SESTD1: variants seen among roughly 807,000 people sequenced by gnomAD.
SESTD1 encodes the protein SEC14 and spectrin domain containing 1.
Under a neutral mutation model 101.7 loss-of-function variants are expected in SESTD1, and 43 were observed. That is an observed-to-expected ratio of 0.42 (90% confidence interval 0.33 to 0.55). The LOEUF is 0.55. Ranked by LOEUF, SESTD1 falls within the 20% of genes least tolerant of loss-of-function variation. The probability of loss-of-function intolerance (pLI) is 0.07; values close to 1 mark genes in which losing one functional copy is unlikely to be tolerated. For synonymous variants in SESTD1, 283 were observed against 286.8 expected (o/e 0.99, Z 0.13); for missense variants, 647 against 815.1 (o/e 0.79, Z 2.51).
intron 10 of SESTD1, among the ~76,000 whole-genome samples, chr2:179,128,521 G>GAGAT: frequency 6.6e-6 from 1 of 152,228 alleles, no homozygotes; most frequent in South Asian, 2.1e-4. Context: ...ACGAGGTCAG[G>GAGAT]AGATGGAGAC....
At chr2:179,256,811 C>CA (rs368195849) in intron 1 of SESTD1, among the ~76,000 whole-genome samples, 12,179 of 76,232 alleles carry the variant, frequency 0.16, 870 homozygotes, top group South Asian at 0.27. Flanking sequence ...GACTCCACCT[C>CA]AAAAAAAAAA....
chr2:179,137,937 G>C (rs2045189494), intron 9 of SESTD1, among the ~76,000 whole-genome samples: 1 of 152,076 alleles, frequency 6.6e-6, no homozygotes, highest in Non-Finnish European at 1.5e-5. Context: ...TGCTCTGTGT[G>C]ACCAACATAT....
chr2:179,194,698 G>A (rs2046364948), intron 1 of SESTD1, among the ~76,000 whole-genome samples: 1 of 152,146 alleles, frequency 6.6e-6, no homozygotes, highest in African/African-American at 2.4e-5. Context: ...ATGATCACTT[G>A]CCTGATTCAG....
intron 1 of SESTD1, among the ~76,000 whole-genome samples, chr2:179,241,160 T>C (rs1270380606): frequency 6.6e-6 from 1 of 152,134 alleles, no homozygotes; most frequent in Non-Finnish European, 1.5e-5. Context: ...AGAAGTTGCA[T>C]GATAATATCA....
Position 179,186,823 on chromosome 2 carries a change from G to GAGAGCTTTCTCCAAATGTGT in SESTD1, c.56-3655_56-3636dup, listed in dbSNP as rs555464865. Among the ~76,000 whole-genome samples, 195 of 151,798 alleles carry GAGAGCTTTCTCCAAATGTGT rather than the reference G, an allele frequency of 1.3e-3. 3 individuals carry two copies. Among genetic ancestry groups the GAGAGCTTTCTCCAAATGTGT allele is most frequent in the Admixed American group, 0.012 (186 of 15,204 alleles). On this transcript the variant is annotated intron_variant, in intron 2 of 17. Transcript: ENST00000428443. ...GGATTATTTTTACAGTTCATTCCTA[G>GAGAGCTTTCTCCAAATGTGT]AGAGCTTTCTCCAAATGTGTAGAGC...
intron 1 of SESTD1, among the ~76,000 whole-genome samples, chr2:179,231,628 A>C (rs934370667): frequency 6.6e-6 from 1 of 151,802 alleles, no homozygotes; most frequent in Admixed American, 6.6e-5. Context: ...ATCAAACATA[A>C]GTCATTAAAA....
At chr2:179,112,887 C>G in intron 16 of SESTD1, 42 bp from the exon 17 acceptor site, 1 of 1,567,950 alleles carries the variant, frequency 6.4e-7, no homozygotes, top group East Asian at 2.3e-5. Flanking sequence ...GAGACACAGA[C>G]AGGTCTGCAG....
intron 1 of SESTD1, among the ~76,000 whole-genome samples, chr2:179,206,815 C>T (rs2105514034): frequency 7.5e-6 from 1 of 133,798 alleles, no homozygotes; most frequent in Middle Eastern, 4.3e-3. Context: ...AGGGCAAGAC[C>T]CTAGCCCTGC....
At chr2:179,128,339 T>C (rs1042569595) in intron 10 of SESTD1, among the ~76,000 whole-genome samples, 3 of 152,234 alleles carry the variant, frequency 2.0e-5, no homozygotes, top group East Asian at 1.9e-4. Context: ...GAGGTTGCCA[T>C]AAAGAAATAG....
At chr2:179,226,990 T>A (rs1194163038) in intron 1 of SESTD1, among the ~76,000 whole-genome samples, 2 of 152,208 alleles carry the variant, frequency 1.3e-5, no homozygotes, top group African/African-American at 4.8e-5. Context: ...TAGAGCATTA[T>A]CTACTTTGAG....
At chr2:179,193,335 T>C (rs1260914608) in intron 1 of SESTD1, among the ~76,000 whole-genome samples, 3 of 152,238 alleles carry the variant, frequency 2.0e-5, no homozygotes, top group African/African-American at 7.2e-5. Context: ...CTTGAATATT[T>C]GCGATTTGTT....
At chr2:179,183,545 G>A (rs1045628294) in intron 2 of SESTD1, among the ~76,000 whole-genome samples, 7 of 151,962 alleles carry the variant, frequency 4.6e-5, no homozygotes, top group African/African-American at 1.7e-4. Flanking sequence ...ATCAACCTAG[G>A]AAGAAAATAT....
chr2:179,111,138 A>G (rs1447616953), intron 17 of SESTD1, among the ~76,000 whole-genome samples: 1 of 152,194 alleles, frequency 6.6e-6, no homozygotes, highest in African/African-American at 2.4e-5. Context: ...AACCAGAAGC[A>G]CGCCTGTAAT....
In SESTD1 at chr2:179,103,881, T is replaced by G. The variant is rs989121888; in HGVS notation, c.*6018A>C. 2 of 152,134 alleles carry G rather than the reference T, an allele frequency of 1.3e-5. No homozygotes were observed. The highest frequency in any genetic ancestry group is 4.8e-5 in the African/African-American group (2 of 41,446). The allele number at this position is 152,134 out of a possible 1,614,324, so 9.4% of individuals were successfully genotyped here. On this transcript the variant is annotated 3_prime_UTR_variant, in exon 18 of 18. Coordinates refer to ENST00000428443, the MANE Select transcript of SESTD1 (RefSeq NM_178123.5). ...TGCACTTCATTGCATGCTAATTTTA[T>G]GTAAAAAAGCCAACAATGAACTCTA...
At chr2:179,148,758 A>G (rs1352853248) in intron 7 of SESTD1, among the ~76,000 whole-genome samples, 1 of 152,174 alleles carries the variant, frequency 6.6e-6, no homozygotes, top group African/African-American at 2.4e-5. Context: ...AAGTAAATAC[A>G]TTACTATTAA....
At chr2:179,232,691 A>T (rs948751401) in intron 1 of SESTD1, among the ~76,000 whole-genome samples, 1 of 152,194 alleles carries the variant, frequency 6.6e-6, no homozygotes, top group South Asian at 2.1e-4. Context: ...CTAAAAATTA[A>T]TAAAGAGATC....
rs1161048800 is a variant in SESTD1 at position 179,109,201 on chromosome 2, C to T, written c.*698G>A. 1 of 152,412 alleles carries T rather than the reference C, an allele frequency of 6.6e-6. No homozygotes were observed. The highest frequency in any genetic ancestry group is 1.5e-5 in the Non-Finnish European group (1 of 68,024). 9.4% of individuals were successfully genotyped at this position (152,412 alleles called of 1,614,324 possible). On this transcript the variant is annotated 3_prime_UTR_variant, in exon 18 of 18. Coordinates refer to ENST00000428443, the MANE Select transcript of SESTD1 (RefSeq NM_178123.5). ...TATTTCCTGTCTAAAATACATGCAACCACCATGAAAAAACAAATATTAAAC... is the reference window on the plus strand; with the variant it reads ...TATTTCCTGTCTAAAATACATGCAATCACCATGAAAAAACAAATATTAAAC...
At chr2:179,145,357 TAA>T (rs1005356700) in intron 8 of SESTD1, among the ~76,000 whole-genome samples, 131 of 152,330 alleles carry the variant, frequency 8.6e-4, no homozygotes, top group African/African-American at 3.1e-3. Context: ...GTAACCTATA[TAA>T]GTTACTTAAC....
At position 179,107,426 on chromosome 2, in the gene SESTD1, T is replaced by C. The variant is rs1009166850; in HGVS notation, c.*2473A>G. On this transcript the variant is annotated 3_prime_UTR_variant, in exon 18 of 18. Coordinates refer to ENST00000428443, the MANE Select transcript of SESTD1 (RefSeq NM_178123.5). ...CTTAAGGTATATAAAAATTAACTCA[T>C]TTGGCAATTATAACTCCATGAGTTG... The C allele has an allele frequency of 6.6e-6, 1 of 152,166 alleles. No homozygotes were observed. The highest frequency in any genetic ancestry group is 1.5e-5 in the Non-Finnish European group (1 of 68,024). The allele number at this position is 152,166 out of a possible 1,614,324, so 9.4% of individuals were successfully genotyped here.
Sources: allele counts gnomAD v4.1 joint callset (sites outside exome capture counted in the v4.1 genomes callset), GRCh38; gene constraint gnomAD v4.1.1; transcripts MANE v1.5; gene names NCBI Gene and HGNC (gene_info 2026-07-23, HGNC 2026-07-21).